Variants in RORA observed in about 807,000 individuals in gnomAD.
The protein encoded by RORA is nuclear receptor ROR-alpha.
RORA carries 7 observed loss-of-function variants against 69.5 expected under a neutral mutation model. The observed-to-expected ratio is 0.10, with a 90% CI of 0.06 to 0.19. The LOEUF (loss-of-function observed/expected upper bound fraction) is 0.19, where lower values mean the gene tolerates loss of function less well. RORA is among the 10% of genes least tolerant of loss of function. The pLI, the probability that RORA is intolerant of heterozygous loss-of-function variation, is 1.00. For missense variants in RORA, 457 were observed against 663.0 expected (o/e 0.69, Z 3.41); for synonymous variants, 261 against 240.8 (o/e 1.08, Z -0.78).
chr15:60,859,386 C>G (rs2073413434), intron 1 of RORA, among the ~76,000 whole-genome samples: 1 of 76,786 alleles, frequency 1.3e-5, no homozygotes, highest in African/African-American at 5.3e-5. Context: ...TCACCTGGGA[C>G]CTTGGGACCT....
At chr15:60,963,867 A>G (rs1727208480) in intron 1 of RORA, among the ~76,000 whole-genome samples, 1 of 152,218 alleles carries the variant, frequency 6.6e-6, no homozygotes, top group Non-Finnish European at 1.5e-5. Flanking sequence ...TCTGGCTGGG[A>G]TATTCAAGGG....
At chr15:61,208,980 C>T (rs915210100) in intron 1 of RORA, among the ~76,000 whole-genome samples, 1 of 152,042 alleles carries the variant, frequency 6.6e-6, no homozygotes, top group African/African-American at 2.4e-5. Flanking sequence ...TTATATTTTT[C>T]GTTTTCTTGT....
intron 1 of RORA, among the ~76,000 whole-genome samples, chr15:61,056,242 C>T (rs2078094788): frequency 6.6e-6 from 1 of 152,194 alleles, no homozygotes; most frequent in Non-Finnish European, 1.5e-5. Flanking sequence ...CCTACATGGG[C>T]TTTCTCATTT....
At chr15:60,613,696 CTGTGTGTGTGTGTGTG>C (rs66616801) in intron 2 of RORA, among the ~76,000 whole-genome samples, 2,193 of 125,350 alleles carry the variant, frequency 0.017, 49 homozygotes, top group African/African-American at 0.061. Context: ...AATTTGATAT[CTGTGTGTGTGTGTGTG>C]TGTGTGTGTG....
At chr15:60,947,753 C>A (rs1010597875) in intron 1 of RORA, among the ~76,000 whole-genome samples, 2 of 149,756 alleles carry the variant, frequency 1.3e-5, no homozygotes, top group African/African-American at 4.9e-5. Flanking sequence ...ATGGGTAGCA[C>A]CTGGCTAGTG....
At chr15:60,628,834 T>C (rs1430952708) in intron 2 of RORA, among the ~76,000 whole-genome samples, 1 of 152,104 alleles carries the variant, frequency 6.6e-6, no homozygotes, top group Non-Finnish European at 1.5e-5. Context: ...ACCCAGAGAA[T>C]GACCTATTGC....
chr15:60,906,186 G>A (rs533316803), intron 1 of RORA, among the ~76,000 whole-genome samples: 48 of 152,222 alleles, frequency 3.2e-4, no homozygotes, highest in Non-Finnish European at 2.5e-4. Flanking sequence ...GCCCTGGCGC[G>A]AGGGAATAGC....
intron 2 of RORA, among the ~76,000 whole-genome samples, chr15:60,557,598 CA>C (rs1411094887): frequency 2.0e-5 from 3 of 152,190 alleles, no homozygotes; most frequent in Non-Finnish European, 4.4e-5. Context: ...TCCAGTTGGT[CA>C]AGTCTACTTG....
intron 1 of RORA, among the ~76,000 whole-genome samples, chr15:60,943,269 T>C (rs1037311896): frequency 5.3e-5 from 8 of 152,088 alleles, no homozygotes; most frequent in Non-Finnish European, 5.9e-5. Context: ...AAGTACACTG[T>C]CAGGTTTGGG....
chr15:60,728,333 A>G (rs2071389793), intron 1 of RORA, among the ~76,000 whole-genome samples: 3 of 152,244 alleles, frequency 2.0e-5, no homozygotes, highest in Non-Finnish European at 2.9e-5. Context: ...AGTATCTGCA[A>G]TATACCCATC....
intron 2 of RORA, among the ~76,000 whole-genome samples, chr15:60,572,692 G>T (rs1300954222): frequency 6.6e-6 from 1 of 152,162 alleles, no homozygotes; most frequent in African/African-American, 2.4e-5. Context: ...TTTTCATCCT[G>T]GGTAGGAGAT....
intron 1 of RORA, among the ~76,000 whole-genome samples, chr15:60,744,315 G>A (rs555157325): frequency 4.6e-5 from 7 of 152,262 alleles, no homozygotes; most frequent in South Asian, 2.1e-4. Flanking sequence ...GTGCTGACAC[G>A]GGGGACATGA....
chr15:60,593,629 C>T (rs1304148314), intron 2 of RORA, among the ~76,000 whole-genome samples: 1 of 152,132 alleles, frequency 6.6e-6, no homozygotes, highest in Admixed American at 6.5e-5. Flanking sequence ...TTGTTTAAAA[C>T]TTTGGTCAGG....
chr15:61,086,651 C>G (rs1360666783), intron 1 of RORA, among the ~76,000 whole-genome samples: 1 of 151,834 alleles, frequency 6.6e-6, no homozygotes, highest in East Asian at 1.9e-4. Flanking sequence ...GGAATGGGAG[C>G]CAGATAAGGG....
intron 3 of RORA, among the ~76,000 whole-genome samples, chr15:60,521,731 G>A (rs1397641838): frequency 2.0e-5 from 3 of 152,150 alleles, no homozygotes; most frequent in East Asian, 1.9e-4. Flanking sequence ...TAAGTCCAGT[G>A]CCCTCTTACT....
At chr15:60,751,941 T>G (rs1436375327) in intron 1 of RORA, among the ~76,000 whole-genome samples, 1 of 152,086 alleles carries the variant, frequency 6.6e-6, no homozygotes, top group Non-Finnish European at 1.5e-5. Flanking sequence ...CAGAAGAGTT[T>G]GGGAAGAGAT....
At chr15:60,942,467 G>A (rs1409299336) in intron 1 of RORA, among the ~76,000 whole-genome samples, 1 of 152,132 alleles carries the variant, frequency 6.6e-6, no homozygotes, top group Non-Finnish European at 1.5e-5. Context: ...AAGATGTTCG[G>A]CAATTATTTG....
At chr15:60,877,481 G>A (rs1052731667) in intron 1 of RORA, among the ~76,000 whole-genome samples, 1 of 152,124 alleles carries the variant, frequency 6.6e-6, no homozygotes, top group African/African-American at 2.4e-5. Flanking sequence ...CTTAAGATAG[G>A]GTGTGAGGCT....
intron 1 of RORA, among the ~76,000 whole-genome samples, chr15:60,878,342 T>G (rs1253384888): frequency 4.4e-5 from 2 of 45,460 alleles, no homozygotes; most frequent in Non-Finnish European, 8.0e-5. Flanking sequence ...AGACTCTGTC[T>G]CAAAAAAAAA....
Sources: allele counts gnomAD v4.1 joint callset (sites outside exome capture counted in the v4.1 genomes callset), GRCh38; gene constraint gnomAD v4.1.1; transcripts MANE v1.5; gene names NCBI Gene and HGNC (gene_info 2026-07-23, HGNC 2026-07-21).